Variants in KIF16B observed in about 807,000 individuals in gnomAD.
KIF16B encodes kinesin family member 16B.
A neutral mutation model predicts 156.3 loss-of-function variants in KIF16B; 98 were observed. That is an observed-to-expected ratio of 0.63 (90% confidence interval 0.53 to 0.74). The LOEUF is 0.74. Among genes scored for constraint, KIF16B ranks in the 30% least tolerant of loss-of-function variants. KIF16B has a pLI of 0.00. For synonymous variants in KIF16B, 564 were observed against 583.7 expected, an observed-to-expected ratio of 0.97 and a Z score of 0.49; for missense variants, 1,421 against 1,606.5, an observed-to-expected ratio of 0.88 and a Z score of 1.97.
chr20:16,333,218 C>A (rs1166127577), intron 24 of KIF16B, among the ~76,000 whole-genome samples: 1 of 152,094 alleles, frequency 6.6e-6, no homozygotes, highest in Non-Finnish European at 1.5e-5. Context: ...TTACAATGTA[C>A]CCACCTCCAG....
Position 16,338,999 on chromosome 20 carries a change from A to G in KIF16B, c.3622-2984T>C, listed in dbSNP as rs146145616. The stretch of plus-strand genomic sequence containing the variant: ...AATTTTGTTTTAATGGAAAGGACAG[A>G]AGTGGAGTGGCAGACGGAAGGGAAA... On this transcript the variant is annotated intron_variant, in intron 23 of 25. Transcript: ENST00000354981. Among the ~76,000 whole-genome samples the G allele has an allele frequency of 2.0e-3, 300 of 152,330 alleles. 2 individuals carry two copies. Among genetic ancestry groups the G allele is most frequent in the African/African-American group, 6.9e-3 (285 of 41,582 alleles).
intron 17 of KIF16B, among the ~76,000 whole-genome samples, chr20:16,395,207 A>G (rs973513218): frequency 9.6e-4 from 30 of 31,372 alleles, no homozygotes; most frequent in South Asian, 2.2e-3. Context: ...AGGAGGGAAG[A>G]GGAGGGGAGG....
chr20:16,340,961 G>A (rs544151365), intron 23 of KIF16B, among the ~76,000 whole-genome samples: 23 of 152,186 alleles, frequency 1.5e-4, no homozygotes, highest in Non-Finnish European at 2.2e-4. Context: ...TAAAATCCCC[G>A]TCTAAGAATG....
rs1426814772 is a variant in KIF16B, at chr20:16,411,226, T to TGA, written c.1613-4771_1613-4770insTC. Among the ~76,000 whole-genome samples the TGA allele has an allele frequency of 8.5e-5, 13 of 152,258 alleles. No individual in the cohort carries two copies. The East Asian group carries it at 2.5e-3, about 29-fold the overall frequency. ...GATCAGCTTCCCATTAAGTGGCAAG[T>TGA]ATTCACTGTGACACTGATGGGATCC... On this transcript the variant is annotated intron_variant, in intron 15 of 25. Transcript: ENST00000354981.
chr20:16,500,126 G>T (rs1332790116), intron 10 of KIF16B, among the ~76,000 whole-genome samples: 1 of 152,108 alleles, frequency 6.6e-6, no homozygotes, highest in African/African-American at 2.4e-5. Flanking sequence ...GAACTTTGAG[G>T]TATCATCTAC....
At chr20:16,418,500 TTTCACTGC>T (rs1180471658) in intron 15 of KIF16B, among the ~76,000 whole-genome samples, 1 of 152,122 alleles carries the variant, frequency 6.6e-6, no homozygotes. Flanking sequence ...GAAAGACTTG[TTTCACTGC>T]TGACTTCAAC....
intron 12 of KIF16B, among the ~76,000 whole-genome samples, chr20:16,431,619 A>G (rs565955400): frequency 1.3e-5 from 2 of 152,246 alleles, no homozygotes; most frequent in Admixed American, 6.5e-5. Context: ...TCTTATGCAC[A>G]GTAGGATATT....
intron 12 of KIF16B, among the ~76,000 whole-genome samples, chr20:16,463,936 C>A (rs1220024871): frequency 6.6e-6 from 1 of 152,156 alleles, no homozygotes; most frequent in Non-Finnish European, 1.5e-5. Context: ...TAAAGCAATT[C>A]TCCTTTCAAT....
At chr20:16,505,877 G>T (rs752049514) in intron 8 of KIF16B, 24 bp from the exon 9 acceptor site, 8 of 1,611,124 alleles carry the variant, frequency 5.0e-6, no homozygotes, top group South Asian at 4.4e-5. Flanking sequence ...GAAACAAAGG[G>T]GAGAAAGGAC....
intron 15 of KIF16B, among the ~76,000 whole-genome samples, chr20:16,411,029 C>T (rs575660267): frequency 6.6e-6 from 1 of 152,268 alleles, no homozygotes; most frequent in African/African-American, 2.4e-5. Context: ...ATGACCTTGA[C>T]ATACTCGTCA....
intron 19 of KIF16B, among the ~76,000 whole-genome samples, chr20:16,376,213 A>C (rs1422459031): frequency 6.6e-6 from 1 of 152,208 alleles, no homozygotes; most frequent in Non-Finnish European, 1.5e-5. Context: ...ATTAAGTGTG[A>C]GTATTAACAA....
At chr20:16,283,781 G>A (rs954871193) in intron 25 of KIF16B, among the ~76,000 whole-genome samples, 22 of 152,218 alleles carry the variant, frequency 1.4e-4, no homozygotes, top group African/African-American at 4.6e-4. Context: ...GGGTTGAAAC[G>A]AAGGTGTTAA....
intron 15 of KIF16B, among the ~76,000 whole-genome samples, chr20:16,407,520 G>C (rs1420822221): frequency 2.0e-5 from 3 of 152,118 alleles, no homozygotes; most frequent in Non-Finnish European, 4.4e-5. Context: ...TCTGCACCAA[G>C]GACCTAAGTT....
intron 15 of KIF16B, among the ~76,000 whole-genome samples, chr20:16,406,981 T>C (rs972886369): frequency 1.3e-5 from 2 of 152,238 alleles, no homozygotes; most frequent in African/African-American, 4.8e-5. Context: ...TGTACATTTA[T>C]GGTCTATTTC....
At chr20:16,301,805 A>G (rs1232372558) in intron 25 of KIF16B, among the ~76,000 whole-genome samples, 1 of 151,936 alleles carries the variant, frequency 6.6e-6, no homozygotes, top group East Asian at 1.9e-4. Flanking sequence ...ATGCACCACT[A>G]CACCCGGCTA....
At chr20:16,301,264 A>G (rs1385074141) in intron 25 of KIF16B, among the ~76,000 whole-genome samples, 2 of 152,246 alleles carry the variant, frequency 1.3e-5, no homozygotes, top group Non-Finnish European at 2.9e-5. Flanking sequence ...TTATATCCAC[A>G]CTTTGGCAAT....
intron 1 of KIF16B, among the ~76,000 whole-genome samples, chr20:16,559,503 T>C (rs1291234666): frequency 6.6e-6 from 1 of 152,138 alleles, no homozygotes; most frequent in African/African-American, 2.4e-5. Flanking sequence ...AAAGACTGTT[T>C]ATGCCTGTAA....
At chr20:16,487,308 TC>T (rs2068149714) in intron 12 of KIF16B, among the ~76,000 whole-genome samples, 2 of 151,750 alleles carry the variant, frequency 1.3e-5, no homozygotes, top group Admixed American at 1.3e-4. Context: ...ATGTTGTCTC[TC>T]CCATGCTTTG....
intron 22 of KIF16B, chr20:16,368,373 C>G: frequency 1.0e-6 from 1 of 989,038 alleles, no homozygotes; most frequent in Non-Finnish European, 1.2e-6. Flanking sequence ...CCCGAGCTTC[C>G]GGAGAATGAG....
Sources: gnomAD v4.1 joint callset for allele counts (sites outside exome capture counted in the v4.1 genomes callset) on GRCh38, gnomAD v4.1.1 for gene constraint, MANE v1.5 for transcripts, NCBI Gene and HGNC (gene_info 2026-07-23, HGNC 2026-07-21) for gene names.